Variants in TEX2 observed in about 807,000 individuals in gnomAD.
The protein encoded by TEX2 is testis-expressed protein 2.
Under a neutral mutation model 106.9 loss-of-function variants are expected in TEX2, and 53 were observed. The ratio of observed to expected loss-of-function variants is 0.50; its 90% confidence interval spans 0.40 to 0.62. The LOEUF (loss-of-function observed/expected upper bound fraction) is 0.62, where lower values mean the gene tolerates loss of function less well. Ranked by LOEUF, TEX2 falls within the 20% of genes least tolerant of loss-of-function variation. The pLI, the probability that TEX2 is intolerant of heterozygous loss-of-function variation, is 0.00. For missense variants in TEX2, 1,207 were observed against 1,379.0 expected, an observed-to-expected ratio of 0.88 and a Z score of 1.98; for synonymous variants, 523 against 534.8, an observed-to-expected ratio of 0.98 and a Z score of 0.30.
At chr17:64,200,074 C>A (rs918424098) in intron 2 of TEX2, among the ~76,000 whole-genome samples, 1 of 152,118 alleles carries the variant, frequency 6.6e-6, no homozygotes, top group African/African-American at 2.4e-5. Flanking sequence ...TAAAAGTTAA[C>A]CTGCAATATT....
Position 64,185,379 on chromosome 17 carries a change from G to A in TEX2, c.2424+2789C>T, listed in dbSNP as rs909460129. ...TGGACTCACACCCCTGAGCAAATCT[G>A]CAGCTGACCTGTGGAGTCTCTCTTC... On this transcript the variant is annotated intron_variant, in intron 5 of 11. Transcript: ENST00000584379. This position sits in a 1 kb window ranked among gnomAD's most constrained non-coding sequence, Gnocchi z 4.0. Among the ~76,000 whole-genome samples the A allele has an allele frequency of 4.6e-5, 7 of 152,122 alleles. No homozygotes were observed. Among genetic ancestry groups the A allele is most frequent in the Admixed American group, 3.3e-4 (5 of 15,280 alleles).
chr17:64,222,428 GAATCGCTTT>G (rs781883695), intron 1 of TEX2, among the ~76,000 whole-genome samples: 73 of 149,400 alleles, frequency 4.9e-4, no homozygotes, highest in Middle Eastern at 3.4e-3. Context: ...TGAGGGAGGA[GAATCGCTTT>G]AACCTGGGAG....
intron 1 of TEX2, among the ~76,000 whole-genome samples, chr17:64,231,924 C>T (rs1358419525): frequency 1.3e-5 from 2 of 152,216 alleles, no homozygotes; most frequent in African/African-American, 4.8e-5. Flanking sequence ...GTGAGCACAT[C>T]TTTTTATCCG....
chr17:64,197,366 G>A (rs1164221603), intron 2 of TEX2, among the ~76,000 whole-genome samples: 1 of 151,938 alleles, frequency 6.6e-6, no homozygotes, highest in Non-Finnish European at 1.5e-5. Flanking sequence ...CTTTCAAAGA[G>A]TTTATCTATT....
rs2032785961 is a variant in TEX2, at chr17:64,205,056, T to C, written c.1644+7518A>G. Among the ~76,000 whole-genome samples the C allele has an allele frequency of 6.6e-6, 1 of 152,192 alleles. No homozygotes were observed. The highest frequency in any genetic ancestry group is 6.5e-5 in the Admixed American group (1 of 15,274). On this transcript the variant is annotated intron_variant, in intron 2 of 11. Coordinates refer to ENST00000584379, the MANE Select transcript of TEX2 (RefSeq NM_001288732.2). This position sits in a 1 kb window ranked among gnomAD's most constrained non-coding sequence, Gnocchi z 4.0. The stretch of plus-strand genomic sequence containing the variant: ...TGGGACTACCTGACATCCTTAACCA[T>C]ATTGTTCCTATGGAATTCAGGAAGC...
chr17:64,168,463 T>A (rs1279140981), intron 7 of TEX2, among the ~76,000 whole-genome samples: 1 of 152,188 alleles, frequency 6.6e-6, no homozygotes, highest in Non-Finnish European at 1.5e-5. Flanking sequence ...AAAGCTTTGA[T>A]CTATATAGTG....
intron 11 of TEX2, 182 bp downstream of exon 11, chr17:64,150,659 A>T: frequency 1.9e-6 from 1 of 537,294 alleles, no homozygotes; most frequent in Non-Finnish European, 3.0e-6. Context: ...GATAAGTTTC[A>T]GGGCTTTGAT....
At chr17:64,220,206 A>C (rs2033319012) in intron 1 of TEX2, among the ~76,000 whole-genome samples, 1 of 152,230 alleles carries the variant, frequency 6.6e-6, no homozygotes, top group Non-Finnish European at 1.5e-5. Flanking sequence ...AAATTAACTC[A>C]AGATGGATTA....
chr17:64,229,081 CTG>C (rs57446934), intron 1 of TEX2, among the ~76,000 whole-genome samples: 4,844 of 152,152 alleles, frequency 0.032, 260 homozygotes, highest in African/African-American at 0.11. Context: ...CCTTTAAAAG[CTG>C]TGTTTCCATA....
At chr17:64,190,429 C>A (rs1215586018) in intron 4 of TEX2, among the ~76,000 whole-genome samples, 1 of 152,082 alleles carries the variant, frequency 6.6e-6, no homozygotes, top group Non-Finnish European at 1.5e-5. Context: ...CAGCATGATA[C>A]CAACACTTCA....
chr17:64,213,584 G>A lies in TEX2; in HGVS notation c.634C>T (p.His212Tyr), dbSNP rs1011874215. 1 of 1,614,058 alleles carries A rather than the reference G, an allele frequency of 6.2e-7. No homozygotes were observed. The highest frequency in any genetic ancestry group is 1.3e-5 in the African/African-American group (1 of 74,934). The change falls in exon 2 of 12, where the codon CAC (histidine) becomes TAC (tyrosine). Residue 212 changes from histidine (H) to tyrosine (Y), a missense_variant. His to Tyr is a moderately conservative substitution (Grantham distance 83). This residue lies in a region of TEX2 where 1,067 missense variants were observed against 1,193.6 expected (regional missense o/e 0.89). Coordinates refer to ENST00000584379, the MANE Select transcript of TEX2 (RefSeq NM_001288732.2). The surrounding 1 kb of genome is among the most constrained non-coding windows in gnomAD (Gnocchi z 4.4). ...KESPHPARHR[H>Y]LMKTLVKSLS... ...GACTTGACTAATGTCTTCATCAAGTGCCTGTGCCTTGCGGGGTGTGGGGAT... is the reference window on the plus strand; with the variant it reads ...GACTTGACTAATGTCTTCATCAAGTACCTGTGCCTTGCGGGGTGTGGGGAT...
rs1010028171 is a variant in TEX2, at chr17:64,179,885, T to C, written c.2425-2414A>G. On this transcript the variant is annotated intron_variant, in intron 5 of 11. Coordinates refer to ENST00000584379, the MANE Select transcript of TEX2 (RefSeq NM_001288732.2). Reference sequence around the variant, plus strand: ...TATTCTCTCTGGGCTTTTCGAGTGCTGTGACGTTTTCTGTCATTAACCAAG... The same window carrying C: ...TATTCTCTCTGGGCTTTTCGAGTGCCGTGACGTTTTCTGTCATTAACCAAG... Among the ~76,000 whole-genome samples the C allele has an allele frequency of 2.0e-4, 30 of 152,234 alleles. 1 individual carries two copies.
intron 1 of TEX2, among the ~76,000 whole-genome samples, chr17:64,244,556 T>C (rs974481173): frequency 6.6e-6 from 1 of 152,198 alleles, no homozygotes; most frequent in African/African-American, 2.4e-5. Context: ...TCACTCCAAA[T>C]GCAGGGTACA....
chr17:64,192,696 A>T (rs889250789), intron 4 of TEX2, among the ~76,000 whole-genome samples: 2 of 152,210 alleles, frequency 1.3e-5, no homozygotes, highest in Admixed American at 6.5e-5. Flanking sequence ...GTTGAAGCTG[A>T]CAGAATGGAA....
Position 64,147,326 on chromosome 17 carries a change from C to T in TEX2, c.*1643G>A, listed in dbSNP as rs1221085544. 1.3e-5 allele frequency: 2 copies of T among 152,114 alleles called. No individual in the cohort carries two copies. The highest frequency in any genetic ancestry group is 4.8e-5 in the African/African-American group (2 of 41,398). 9.4% of individuals were successfully genotyped at this position (152,114 alleles called of 1,614,324 possible). A position where few individuals can be genotyped will look rare whatever the true frequency, so the allele number is the denominator to read the frequency against. ...AGCCTTAGGACTGGGCAGTGATCAA[C>T]GCAGTAAATGAAAGCTGCGATTGCC... is the stretch of plus-strand genomic sequence containing the variant. On this transcript the variant is annotated 3_prime_UTR_variant, in exon 12 of 12. Transcript: ENST00000584379.
rs1266129085 is a variant in TEX2 at position 64,148,696 on chromosome 17, G to A, written c.*273C>T. ...CATGGGTAGACTTTTAAAAGCCATG[G>A]TGTGGGTCACGTATAACTTCTGGAT... On this transcript the variant is annotated 3_prime_UTR_variant, in exon 12 of 12. Coordinates refer to ENST00000584379, the MANE Select transcript of TEX2 (RefSeq NM_001288732.2). 3 of 387,400 alleles carry A rather than the reference G, an allele frequency of 7.7e-6. No homozygotes were observed. Among genetic ancestry groups the A allele is most frequent in the South Asian group, 4.0e-5 (1 of 25,020 alleles). The allele number at this position is 387,400 out of a possible 1,614,324, so 24.0% of individuals were successfully genotyped here.
At chr17:64,201,392 T>C (rs782747136) in intron 2 of TEX2, among the ~76,000 whole-genome samples, 2 of 152,214 alleles carry the variant, frequency 1.3e-5, no homozygotes, top group Non-Finnish European at 2.9e-5. Flanking sequence ...AAAGAAATCA[T>C]AAGCATATGG....
chr17:64,200,877 C>A (rs1396941458), intron 2 of TEX2, among the ~76,000 whole-genome samples: 6 of 152,084 alleles, frequency 3.9e-5, no homozygotes, highest in Admixed American at 3.3e-4. Flanking sequence ...GAATCACCAG[C>A]TGCTGTGGTT....
At position 64,194,931 on chromosome 17, in the gene TEX2, G is replaced by A; in HGVS notation, c.1809C>T (p.Tyr603=). 1.2e-6 allele frequency: 2 copies of A among 1,614,206 alleles called. No individual in the cohort carries two copies. Among genetic ancestry groups the A allele is most frequent in the Non-Finnish European group, 8.5e-7 (1 of 1,180,018 alleles). ...AGAGGTCATAGATTTTCTGGCTGAT[G>A]TAGGTGACCTCTGGCTTGGGTTCAT... The part of the protein sequence containing the change: ...SYNEPKPEVT[Y]ISQKIYDLSD... Residue 603 remains tyrosine, a synonymous_variant, in exon 3 of 12, where the codon TAC becomes TAT. Coordinates refer to ENST00000584379, the MANE Select transcript of TEX2 (RefSeq NM_001288732.2).
Sources: gnomAD v4.1 joint callset for allele counts (sites outside exome capture counted in the v4.1 genomes callset) on GRCh38, gnomAD v4.1.1 for gene constraint, gnomAD v4.1.1 regional missense constraint, Gnocchi (gnomAD v3.1) non-coding constraint, MANE v1.5 for transcripts, NCBI Gene and HGNC (gene_info 2026-07-23, HGNC 2026-07-21) for gene names.